MGAT4C: variants seen among roughly 807,000 people sequenced by gnomAD.
The protein encoded by MGAT4C is MGAT4 family member C.
In MGAT4C, 19 loss-of-function variants were observed where a neutral mutation model predicts 40.1. That is an observed-to-expected ratio of 0.47 (90% confidence interval 0.33 to 0.70). The LOEUF (loss-of-function observed/expected upper bound fraction) is 0.70. Ranked by LOEUF, MGAT4C falls within the 30% of genes least tolerant of loss-of-function variation. MGAT4C has a pLI of 0.02. For synonymous variants in MGAT4C, 181 were observed against 187.1 expected (o/e 0.97, Z 0.27); for missense variants, 491 against 563.2 (o/e 0.87, Z 1.30).
chr12:86,531,083 GT>G (rs1483801364), intron 2 of MGAT4C, among the ~76,000 whole-genome samples: 2 of 152,124 alleles, frequency 1.3e-5, no homozygotes, highest in Admixed American at 6.6e-5. Context: ...ATGTAAACTT[GT>G]TTTTAGATAA....
rs367965567 is a variant in MGAT4C at position 86,375,055 on chromosome 12, C to G, written c.-119-40928G>C. 7.9e-5 allele frequency among the ~76,000 whole-genome samples: 12 copies of G among 152,176 alleles called. No homozygotes were observed. In the South Asian group the frequency reaches 2.3e-3, roughly 29 times the overall value. On this transcript the variant is annotated intron_variant, in intron 3 of 7. Transcript: ENST00000548651. ...CACTCCCTACTGTCAGAATATTCCC[C>G]CTTCAGCTAAAGTAAATTCGTTTGT...
intron 2 of MGAT4C, among the ~76,000 whole-genome samples, chr12:86,005,459 A>G (rs1244358372): frequency 1.3e-5 from 2 of 152,226 alleles, no homozygotes; most frequent in African/African-American, 2.4e-5. Flanking sequence ...AATCTGAGTT[A>G]GGAACTGAGG....
intron 1 of MGAT4C, among the ~76,000 whole-genome samples, chr12:86,763,331 A>C (rs1951438218): frequency 6.6e-6 from 1 of 152,098 alleles, no homozygotes; most frequent in Admixed American, 6.5e-5. Context: ...AACTTCCCCC[A>C]CTTTACTCCT....
At chr12:86,510,796 C>T (rs1335302226) in intron 2 of MGAT4C, among the ~76,000 whole-genome samples, 2 of 152,116 alleles carry the variant, frequency 1.3e-5, no homozygotes, top group African/African-American at 4.8e-5. Flanking sequence ...GCTAACTAGC[C>T]TAAATATATA....
intron 3 of MGAT4C, among the ~76,000 whole-genome samples, chr12:86,430,980 A>C (rs1420589544): frequency 6.6e-6 from 1 of 152,192 alleles, no homozygotes; most frequent in Non-Finnish European, 1.5e-5. Context: ...TTCTTTGCTG[A>C]GTAAAGCTGC....
At chr12:86,161,987 T>TA (rs1885642565) in intron 1 of MGAT4C, among the ~76,000 whole-genome samples, 1 of 151,938 alleles carries the variant, frequency 6.6e-6, no homozygotes, top group Non-Finnish European at 1.5e-5. Context: ...TATTAAGAAG[T>TA]AAAAAACAAG....
intron 2 of MGAT4C, among the ~76,000 whole-genome samples, chr12:86,611,134 G>C (rs1962244336): frequency 6.6e-6 from 1 of 151,960 alleles, no homozygotes; most frequent in Non-Finnish European, 1.5e-5. Flanking sequence ...TGCTGATGAA[G>C]GGATATCTGA....
intron 2 of MGAT4C, among the ~76,000 whole-genome samples, chr12:86,525,469 A>G (rs568573201): frequency 2.0e-5 from 3 of 152,306 alleles, no homozygotes; most frequent in African/African-American, 7.2e-5. Flanking sequence ...AGTTCAGAAC[A>G]CTTGCTGGAG....
intron 1 of MGAT4C, among the ~76,000 whole-genome samples, chr12:86,082,565 G>C (rs764040877): frequency 2.0e-5 from 3 of 152,112 alleles, no homozygotes; most frequent in Non-Finnish European, 4.4e-5. Flanking sequence ...TCAGGGAAAA[G>C]AGAAAATAAA....
chr12:86,806,669 C>T (rs1296649631), intron 1 of MGAT4C, among the ~76,000 whole-genome samples: 1 of 151,986 alleles, frequency 6.6e-6, no homozygotes, highest in Non-Finnish European at 1.5e-5. Flanking sequence ...CATGCACTAA[C>T]CTGTTTCCAT....
chr12:86,778,636 T>C lies in MGAT4C; in HGVS notation c.-261-51395A>G, dbSNP rs142965802. ...GATTTGACTCATCCCTGTTTTGAAA[T>C]TGCACATATACCAATATTAAGAACA... is the stretch of plus-strand genomic sequence containing the variant. On this transcript the variant is annotated intron_variant, in intron 1 of 7. Coordinates refer to the MGAT4C transcript ENST00000548651. Among the ~76,000 whole-genome samples, 67 of 152,280 alleles carry C rather than the reference T, an allele frequency of 4.4e-4. 1 individual carries two copies. The highest frequency in any genetic ancestry group is 1.3e-3 in the Admixed American group (20 of 15,294).
intron 4 of MGAT4C, among the ~76,000 whole-genome samples, chr12:85,980,946 A>T (rs1346626079): frequency 6.6e-6 from 1 of 152,178 alleles, no homozygotes; most frequent in African/African-American, 2.4e-5. Flanking sequence ...AATTTTTTAT[A>T]GAACACATCA....
At chr12:86,053,963 A>G (rs1893140412) in intron 1 of MGAT4C, among the ~76,000 whole-genome samples, 1 of 151,990 alleles carries the variant, frequency 6.6e-6, no homozygotes, top group Admixed American at 6.6e-5. Flanking sequence ...GGATATGGAG[A>G]AAAAGGAAAC....
intron 2 of MGAT4C, among the ~76,000 whole-genome samples, chr12:86,464,796 AATTAC>A (rs1331154235): frequency 6.6e-6 from 1 of 152,148 alleles, no homozygotes; most frequent in Non-Finnish European, 1.5e-5. Context: ...ATGAAAGATA[AATTAC>A]ATTATGTATT....
intron 1 of MGAT4C, among the ~76,000 whole-genome samples, chr12:86,205,896 T>A (rs1950232140): frequency 6.6e-6 from 1 of 151,974 alleles, no homozygotes; most frequent in African/African-American, 2.4e-5. Flanking sequence ...TGTGTATCAA[T>A]ATTTTTAAAG....
intron 3 of MGAT4C, among the ~76,000 whole-genome samples, chr12:86,374,607 T>A (rs1592758628): frequency 6.6e-6 from 1 of 152,118 alleles, no homozygotes; most frequent in East Asian, 1.9e-4. Context: ...ATTCCATTTT[T>A]AAAAATGAGA....
chr12:86,437,986 G>A (rs1015815339), intron 2 of MGAT4C, among the ~76,000 whole-genome samples: 1 of 151,894 alleles, frequency 6.6e-6, no homozygotes, highest in Non-Finnish European at 1.5e-5. Context: ...AAGTGTTCAA[G>A]TGAAAGGAAG....
At chr12:86,335,833 C>T (rs1424281310) in intron 3 of MGAT4C, among the ~76,000 whole-genome samples, 1 of 152,086 alleles carries the variant, frequency 6.6e-6, no homozygotes, top group East Asian at 1.9e-4. Context: ...AATCATTTAT[C>T]ATGACCTACA....
Position 86,825,473 on chromosome 12 carries a change from TA to T in MGAT4C, c.-262+13192del, listed in dbSNP as rs368045722. ...TATCAATAAGAAACAAGTATATATTTAGGCCAAAACTATTAACTGAGACAAA... is the reference window on the plus strand; with the variant it reads ...TATCAATAAGAAACAAGTATATATTTGGCCAAAACTATTAACTGAGACAAA... On this transcript the variant is annotated intron_variant, in intron 1 of 7. Coordinates refer to the MGAT4C transcript ENST00000548651. Among the ~76,000 whole-genome samples the T allele has an allele frequency of 3.5e-4, 53 of 151,426 alleles. No individual in the cohort carries two copies. In the East Asian group the frequency reaches 8.4e-3, roughly 24 times the overall value.
Sources: allele counts gnomAD v4.1 joint callset (sites outside exome capture counted in the v4.1 genomes callset), GRCh38; gene constraint gnomAD v4.1.1; transcripts MANE v1.5; gene names NCBI Gene and HGNC (gene_info 2026-07-23, HGNC 2026-07-21).